Variants in TG observed in about 807,000 individuals in gnomAD.
TG encodes thyroglobulin, also known as thyroid hormones.
In TG, 270 loss-of-function variants were observed where a neutral mutation model predicts 324.7. That is an observed-to-expected ratio of 0.83 (90% CI 0.75 to 0.92). The LOEUF is 0.92. TG is among the 40% of genes least tolerant of loss of function. The pLI is 0.00. For missense variants in TG, 3,591 were observed against 3,456.4 expected (o/e 1.04, Z -0.98); for synonymous variants, 1,401 against 1,327.0 (o/e 1.06, Z -1.21).
At chr8:133,044,930 A>C in intron 41 of TG, 2 of 1,584,216 alleles carry the variant, frequency 1.3e-6, no homozygotes, top group Non-Finnish European at 1.7e-6. Flanking sequence ...CCACAGAGCA[A>C]TTAGCTAAGA....
chr8:133,094,075 C>T (rs1421084826), intron 41 of TG, among the ~76,000 whole-genome samples: 2 of 152,160 alleles, frequency 1.3e-5, no homozygotes, highest in African/African-American at 4.8e-5. Context: ...TACGGGGAGC[C>T]CCATAGCGGA....
intron 22 of TG, among the ~76,000 whole-genome samples, chr8:132,926,077 C>T (rs969233178): frequency 4.6e-5 from 7 of 152,210 alleles, no homozygotes; most frequent in Admixed American, 4.6e-4. Context: ...TGGGCCCTCA[C>T]TGGGATGTCA....
chr8:132,999,052 G>A (rs1833173115), intron 35 of TG, among the ~76,000 whole-genome samples: 1 of 152,308 alleles, frequency 6.6e-6, no homozygotes, highest in African/African-American at 2.4e-5. Context: ...AACCAGGACT[G>A]CAGCCCAGAG....
chr8:133,061,256 G>A lies in TG; in HGVS notation c.7239+31233G>A, dbSNP rs867778482. On this transcript the variant is annotated intron_variant, in intron 41 of 47. Transcript: ENST00000220616. ...ACTCCTGATCTCAGGTGATCTACCT[G>A]CCTTGGCCTCCCAATGTGGTGGGAT... Among the ~76,000 whole-genome samples, 28 of 152,288 alleles carry A rather than the reference G, an allele frequency of 1.8e-4. 2 individuals are homozygous for A. The highest frequency in any genetic ancestry group is 6.8e-3 in the Middle Eastern group (2 of 294).
At chr8:133,073,101 C>T (rs1175378615) in intron 41 of TG, 1 of 152,176 alleles carries the variant, frequency 6.6e-6, no homozygotes, top group African/African-American at 2.4e-5. Context: ...AACTGGTCTT[C>T]TTTTTACAAG....
At chr8:132,950,745 A>G (rs1398983398) in intron 27 of TG, among the ~76,000 whole-genome samples, 2 of 152,244 alleles carry the variant, frequency 1.3e-5, no homozygotes, top group African/African-American at 4.8e-5. Flanking sequence ...GCCTGTCTAT[A>G]TAATGACAGT....
At chr8:132,993,693 C>G (rs761568468) in intron 35 of TG, among the ~76,000 whole-genome samples, 5 of 152,186 alleles carry the variant, frequency 3.3e-5, no homozygotes, top group Non-Finnish European at 7.3e-5. Flanking sequence ...ATGTCTTAAA[C>G]TCTTGCTAGA....
At chr8:133,115,416 TG>T (rs1225563781) in intron 44 of TG, among the ~76,000 whole-genome samples, 1 of 152,056 alleles carries the variant, frequency 6.6e-6, no homozygotes, top group African/African-American at 2.4e-5. Context: ...TCAGGGTGCA[TG>T]GGGGGAAACT....
chr8:132,926,892 C>G (rs184486617), intron 22 of TG, among the ~76,000 whole-genome samples: 65 of 152,200 alleles, frequency 4.3e-4, no homozygotes, highest in African/African-American at 1.5e-3. Context: ...TGCCTGCTGC[C>G]TCTCTCTCTG....
In TG at chr8:132,868,052, C is replaced by A. The variant is rs1178054600; in HGVS notation, c.68-63C>A. 3.5e-6 allele frequency: 5 copies of A among 1,426,668 alleles called. No homozygotes were observed. In the African/African-American group the frequency reaches 5.6e-5, roughly 16 times the overall value. 88.4% of individuals were successfully genotyped at this position (1,426,668 alleles called of 1,614,324 possible). A position where few individuals can be genotyped will look rare whatever the true frequency, so the allele number is the denominator to read the frequency against. On this transcript the variant is annotated intron_variant, in intron 1 of 47. Transcript: ENST00000220616. ...GGAAAAGCATCTGTGCTTATGAGAG[C>A]CCGTCTCTGTCCTGGCAGCCCAGTC...
chr8:133,081,948 A>G (rs541054465), intron 41 of TG, among the ~76,000 whole-genome samples: 5 of 152,364 alleles, frequency 3.3e-5, no homozygotes, highest in East Asian at 3.9e-4. Flanking sequence ...GGAAACAGGC[A>G]TCTCATTTCT....
intron 41 of TG, among the ~76,000 whole-genome samples, chr8:133,051,470 G>T (rs950702304): frequency 1.3e-5 from 2 of 152,286 alleles, no homozygotes; most frequent in South Asian, 4.1e-4. Flanking sequence ...GGACCATGAG[G>T]CAGTAACTCT....
In TG at chr8:133,034,875, G is replaced by A. The variant is rs189057428; in HGVS notation, c.7239+4852G>A. On this transcript the variant is annotated intron_variant, in intron 41 of 47. Transcript: ENST00000220616. ...CCGTCTTAGGGCTTTGCTGGTAAGG[G>A]GCACACTCCCTCTTTAGGTATGGTT... Among the ~76,000 whole-genome samples the A allele has an allele frequency of 6.6e-5, 10 of 152,264 alleles. No homozygotes were observed. The East Asian group carries it at 1.5e-3, about 24-fold the overall frequency.
chr8:132,899,598 T>C (rs1295985730), intron 14 of TG, among the ~76,000 whole-genome samples: 2 of 152,222 alleles, frequency 1.3e-5, no homozygotes, highest in Admixed American at 1.3e-4. Context: ...ACTGTAAACA[T>C]GGACCCACTT....
chr8:133,085,398 A>G (rs767028542), intron 41 of TG, among the ~76,000 whole-genome samples: 1 of 152,248 alleles, frequency 6.6e-6, no homozygotes, highest in Non-Finnish European at 1.5e-5. Flanking sequence ...AAAAGATGCC[A>G]TGAAGAAAGT....
At chr8:133,047,185 C>T (rs537642937) in intron 41 of TG, 1 of 152,312 alleles carries the variant, frequency 6.6e-6, no homozygotes. Context: ...TGCTTTGCAT[C>T]ATGACAAAGA....
Position 132,882,580 on chromosome 8 carries a change from C to A in TG, c.857C>A (p.Ala286Glu). ...LYRILQRRFL[A>E]VQSVISGRFR... ...CGGATACTGCAGAGACGGTTCCTCG[C>A]AGTTCAATCAGTCATCTCTGGCAGA... is the stretch of plus-strand genomic sequence containing the variant. The change falls in exon 7 of 48, where the codon GCA (alanine) becomes GAA (glutamate). Residue 286 changes from alanine to glutamate, a missense_variant. Transcript: ENST00000220616. 6.2e-7 allele frequency: 1 copy of A among 1,614,232 alleles called. No homozygotes were observed. The highest frequency in any genetic ancestry group is 8.5e-7 in the Non-Finnish European group (1 of 1,180,046).
rs79724982 is a variant in TG at position 132,983,343 on chromosome 8, T to A, written c.6200-7T>A. ...AAAGAACTGAAAGACTGCTTTTTCCTTTTCAGTTGCTCAAAATAATGCTCC... is the reference window on the plus strand; with the variant it reads ...AAAGAACTGAAAGACTGCTTTTTCCATTTCAGTTGCTCAAAATAATGCTCC... On this transcript the variant is annotated splice_polypyrimidine_tract_variant and splice_region_variant and intron_variant, in intron 34 of 47. Transcript: ENST00000220616. 3.7e-3 allele frequency: 6,035 copies of A among 1,614,102 alleles called. 17 individuals carry two copies. The highest frequency in any genetic ancestry group is 4.6e-3 in the Non-Finnish European group (5,476 of 1,179,936).
intron 41 of TG, among the ~76,000 whole-genome samples, chr8:133,080,513 C>T (rs917103890): frequency 1.3e-5 from 2 of 152,184 alleles, no homozygotes; most frequent in Non-Finnish European, 2.9e-5. Context: ...TTCCCATCCT[C>T]TTTCAGCCCT....
Sources: gnomAD v4.1 joint callset for allele counts (sites outside exome capture counted in the v4.1 genomes callset) on GRCh38, gnomAD v4.1.1 for gene constraint, MANE v1.5 for transcripts, NCBI Gene and HGNC (gene_info 2026-07-23, HGNC 2026-07-21) for gene names.